EYA2: variants seen among roughly 807,000 people sequenced by gnomAD.
EYA2 encodes the protein EYA transcriptional coactivator and phosphatase 2, also known as protein phosphatase EYA2.
In EYA2, 31 loss-of-function variants were observed where a neutral mutation model predicts 69.2. That is an observed-to-expected ratio of 0.45 (90% CI 0.34 to 0.60). The LOEUF (loss-of-function observed/expected upper bound fraction) is 0.60. Ranked by LOEUF, EYA2 falls within the 20% of genes least tolerant of loss-of-function variation. EYA2 has a pLI of 0.02. For synonymous variants in EYA2, 257 were observed against 279.4 expected, an observed-to-expected ratio of 0.92 and a Z score of 0.80; for missense variants, 622 against 701.2, an observed-to-expected ratio of 0.89 and a Z score of 1.28.
At position 46,959,814 on chromosome 20, in the gene EYA2, G is replaced by A. The variant is rs370610710; in HGVS notation, c.-10-30187G>A. 1.2e-3 allele frequency among the ~76,000 whole-genome samples: 184 copies of A among 152,100 alleles called. 1 individual carries two copies. Among genetic ancestry groups the A allele is most frequent in the African/African-American group, 4.2e-3 (175 of 41,482 alleles). ...ATCTCTTTTCTCTGAAATTCTCCAA[G>A]CATCCCTGTCATTGTCCTGCACCTG... On this transcript the variant is annotated intron_variant, in intron 1 of 15. Transcript: ENST00000327619.
At chr20:47,107,518 T>A (rs1600714082) in intron 9 of EYA2, among the ~76,000 whole-genome samples, 1 of 84,784 alleles carries the variant, frequency 1.2e-5, no homozygotes, top group African/African-American at 4.6e-5. Context: ...AGAGTGAGAC[T>A]CTGTATCAAA....
intron 5 of EYA2, among the ~76,000 whole-genome samples, chr20:47,030,083 T>A (rs974756991): frequency 1.3e-5 from 2 of 152,238 alleles, no homozygotes; most frequent in Non-Finnish European, 2.9e-5. Context: ...CAAGACAGTG[T>A]TATTTACAAA....
chr20:47,031,215 A>G (rs1317506071), intron 5 of EYA2, among the ~76,000 whole-genome samples: 1 of 152,222 alleles, frequency 6.6e-6, no homozygotes, highest in Non-Finnish European at 1.5e-5. Flanking sequence ...TGGCACTTGC[A>G]AATTCGGAAG....
chr20:46,937,550 A>T (rs1035287626), intron 1 of EYA2, among the ~76,000 whole-genome samples: 8 of 152,220 alleles, frequency 5.3e-5, no homozygotes, highest in Admixed American at 4.6e-4. Context: ...AAGCCAGTCT[A>T]CAGAGTGGCC....
At chr20:46,978,022 G>A (rs374362329) in intron 1 of EYA2, among the ~76,000 whole-genome samples, 48 of 152,350 alleles carry the variant, frequency 3.2e-4, no homozygotes, top group African/African-American at 1.1e-3. Context: ...ACAAAAGGCA[G>A]TCTGCAGTCC....
At chr20:46,943,228 C>G (rs1228152195) in intron 1 of EYA2, among the ~76,000 whole-genome samples, 1 of 152,184 alleles carries the variant, frequency 6.6e-6, no homozygotes, top group East Asian at 1.9e-4. Context: ...TGCCAAACAT[C>G]CTACGATGCA....
At chr20:47,026,339 A>G (rs1427587361) in intron 5 of EYA2, among the ~76,000 whole-genome samples, 3 of 152,196 alleles carry the variant, frequency 2.0e-5, no homozygotes, top group Non-Finnish European at 4.4e-5. Flanking sequence ...AATAAGCACA[A>G]TTTTTTATAA....
intron 5 of EYA2, among the ~76,000 whole-genome samples, chr20:47,069,448 C>A (rs191934321): frequency 1.3e-5 from 2 of 152,274 alleles, no homozygotes; most frequent in East Asian, 3.9e-4. Context: ...TAGATTGCGC[C>A]TCTGCACTCC....
chr20:46,943,159 C>G (rs1986225922), intron 1 of EYA2, among the ~76,000 whole-genome samples: 1 of 152,214 alleles, frequency 6.6e-6, no homozygotes, highest in South Asian at 2.1e-4. Flanking sequence ...AGACATTTGG[C>G]TGTCACATCT....
At chr20:47,149,157 A>G (rs2033768483) in intron 10 of EYA2, among the ~76,000 whole-genome samples, 1 of 152,298 alleles carries the variant, frequency 6.6e-6, no homozygotes, top group South Asian at 2.1e-4. Context: ...TAAAACCTAG[A>G]TTTATGTTGA....
chr20:46,896,081 G>T (rs947630982), intron 1 of EYA2, among the ~76,000 whole-genome samples: 1 of 152,144 alleles, frequency 6.6e-6, no homozygotes, highest in Non-Finnish European at 1.5e-5. Context: ...ACCCCGGTAA[G>T]AGGTACCTTT....
intron 8 of EYA2, among the ~76,000 whole-genome samples, chr20:47,096,864 T>TCAAGA (rs2032262046): frequency 1.3e-5 from 2 of 152,336 alleles, no homozygotes; most frequent in East Asian, 3.9e-4. Context: ...GATTCTGACA[T>TCAAGA]CTTTTGAGTT....
intron 6 of EYA2, among the ~76,000 whole-genome samples, chr20:47,073,215 G>A (rs1403883724): frequency 6.6e-6 from 1 of 152,188 alleles, no homozygotes; most frequent in African/African-American, 2.4e-5. Context: ...GTGCAGGGTT[G>A]AGAAGCACTG....
intron 9 of EYA2, among the ~76,000 whole-genome samples, chr20:47,128,190 C>T (rs1302192333): frequency 2.6e-5 from 4 of 152,180 alleles, no homozygotes; most frequent in African/African-American, 9.7e-5. Context: ...AGAGCCATTC[C>T]CGGCCTTTGG....
chr20:47,064,944 T>C (rs188606385), intron 5 of EYA2, among the ~76,000 whole-genome samples: 1 of 152,066 alleles, frequency 6.6e-6, no homozygotes, highest in East Asian at 1.9e-4. Context: ...AGGAAGGAGG[T>C]TTAATTGACT....
intron 5 of EYA2, among the ~76,000 whole-genome samples, chr20:47,021,260 A>G (rs748058857): frequency 6.6e-6 from 1 of 152,212 alleles, no homozygotes; most frequent in Non-Finnish European, 1.5e-5. Flanking sequence ...GAAAAGAGGA[A>G]TACTAATCTG....
intron 5 of EYA2, among the ~76,000 whole-genome samples, chr20:47,030,501 C>T (rs1360763973): frequency 2.6e-5 from 4 of 151,060 alleles, no homozygotes; most frequent in African/African-American, 9.7e-5. Context: ...CCCAGGCTGA[C>T]AGTCAAGCCA....
intron 5 of EYA2, among the ~76,000 whole-genome samples, chr20:47,029,492 G>T (rs1984281039): frequency 6.6e-6 from 1 of 152,210 alleles, no homozygotes. Flanking sequence ...TGACATAACT[G>T]TATCTGCAGG....
intron 1 of EYA2, among the ~76,000 whole-genome samples, chr20:46,989,308 G>A (rs1466350177): frequency 1.3e-5 from 2 of 152,088 alleles, no homozygotes; most frequent in Admixed American, 6.6e-5. Flanking sequence ...ATTCTGTCGC[G>A]AGGCTGGAGT....
Sources: gnomAD v4.1 joint callset for allele counts (sites outside exome capture counted in the v4.1 genomes callset) on GRCh38, gnomAD v4.1.1 for gene constraint, MANE v1.5 for transcripts, NCBI Gene and HGNC (gene_info 2026-07-23, HGNC 2026-07-21) for gene names.